The following THSD4 variants were observed in gnomAD, a reference collection of about 807,000 sequenced individuals.
THSD4 encodes thrombospondin type-1 domain-containing protein 4.
A neutral mutation model predicts 119.0 loss-of-function variants in THSD4; 69 were observed. That is an observed-to-expected ratio of 0.58 (90% CI 0.48 to 0.71). The LOEUF is 0.71. THSD4 is among the 30% of genes least tolerant of loss of function. THSD4 has a pLI of 0.00. For synonymous variants in THSD4, 524 were observed against 540.4 expected (o/e 0.97, Z 0.42); for missense variants, 1,393 against 1,391.1 (o/e 1.00, Z -0.02).
chr15:71,720,496 G>C (rs544912788), intron 8 of THSD4, among the ~76,000 whole-genome samples: 3 of 152,100 alleles, frequency 2.0e-5, no homozygotes, highest in Non-Finnish European at 4.4e-5. Flanking sequence ...GATTTCCGTT[G>C]GTGATAGAGT....
chr15:71,660,689 A>C lies in THSD4; in HGVS notation c.1312A>C (p.Thr438Pro), dbSNP rs1460578316. 1.2e-6 allele frequency: 2 copies of C among 1,614,034 alleles called. No homozygotes were observed. The highest frequency in any genetic ancestry group is 2.7e-5 in the African/African-American group (2 of 74,918). The change falls in exon 8 of 18, where the codon ACG becomes CCG. Residue 438 changes from threonine to proline, a missense_variant. Thr to Pro is a conservative substitution (Grantham distance 38). Coordinates refer to ENST00000261862, the MANE Select transcript of THSD4 (RefSeq NM_024817.3). ...HRVVEIPEGATKINITEMYKS... is the reference protein window; with the variant it reads ...HRVVEIPEGAPKINITEMYKS... ...CGTCGTGGAGATTCCCGAGGGAGCC[A>C]CGAAAATCAACATCACGGAGATGTA...
intron 5 of THSD4, among the ~76,000 whole-genome samples, chr15:71,253,479 CTCATTGCAACCTCTGCCTCACAGGT>C (rs2044281865): frequency 6.6e-6 from 1 of 152,028 alleles, no homozygotes; most frequent in South Asian, 2.1e-4. Flanking sequence ...GTGATCTCAG[CTCATTGCAACCTCTGCCTCACAGGT>C]TCAAGTGATT....
At chr15:71,406,490 A>C (rs909284928) in intron 6 of THSD4, among the ~76,000 whole-genome samples, 4 of 152,210 alleles carry the variant, frequency 2.6e-5, no homozygotes, top group Non-Finnish European at 5.9e-5. Context: ...TGCTGTAGAT[A>C]TCTAAGACTA....
chr15:71,311,124 T>A (rs2045105064), intron 6 of THSD4, among the ~76,000 whole-genome samples: 1 of 152,218 alleles, frequency 6.6e-6, no homozygotes, highest in Admixed American at 6.5e-5. Flanking sequence ...GGTTTGGTCC[T>A]AATTTTAACA....
chr15:71,532,329 T>A (rs1346056932), intron 7 of THSD4, among the ~76,000 whole-genome samples: 1 of 147,044 alleles, frequency 6.8e-6, no homozygotes, highest in Middle Eastern at 3.4e-3. Context: ...TGTGTGTGTG[T>A]GTGATGGAGT....
At chr15:71,527,905 G>A (rs2048549697) in intron 7 of THSD4, among the ~76,000 whole-genome samples, 1 of 151,848 alleles carries the variant, frequency 6.6e-6, no homozygotes, top group Admixed American at 6.6e-5. Context: ...TAGAGACAGT[G>A]TCTTGCCATG....
intron 8 of THSD4, among the ~76,000 whole-genome samples, chr15:71,679,362 G>C (rs1278619455): frequency 6.6e-6 from 1 of 152,118 alleles, no homozygotes; most frequent in Non-Finnish European, 1.5e-5. Flanking sequence ...CAGGCCATTT[G>C]GCCTCTGTTA....
At chr15:71,688,739 G>A (rs1026937168) in intron 8 of THSD4, among the ~76,000 whole-genome samples, 1 of 149,402 alleles carries the variant, frequency 6.7e-6, no homozygotes, top group South Asian at 2.1e-4. Flanking sequence ...GTGTGTGTGT[G>A]TGTCTGTGAC....
intron 7 of THSD4, among the ~76,000 whole-genome samples, chr15:71,537,273 C>T (rs540216774): frequency 3.3e-5 from 5 of 152,168 alleles, no homozygotes; most frequent in East Asian, 3.9e-4. Context: ...CTAATCCCTT[C>T]GCCATACAAC....
intron 7 of THSD4, among the ~76,000 whole-genome samples, chr15:71,516,033 G>C (rs1028023517): frequency 1.3e-5 from 2 of 152,132 alleles, no homozygotes; most frequent in Admixed American, 1.3e-4. Context: ...GCATGCCAAG[G>C]GTTTTTGACC....
At chr15:71,202,594 G>T (rs181810702) in intron 3 of THSD4, among the ~76,000 whole-genome samples, 6 of 152,198 alleles carry the variant, frequency 3.9e-5, no homozygotes, top group African/African-American at 1.2e-4. Flanking sequence ...AAGATAACTG[G>T]TTGTTCTAAT....
chr15:71,337,501 G>A (rs1407391950), intron 6 of THSD4, among the ~76,000 whole-genome samples: 3 of 152,246 alleles, frequency 2.0e-5, no homozygotes, highest in African/African-American at 7.2e-5. Context: ...TAGTTAACAT[G>A]TGAAAAGTTG....
Position 71,405,790 on chromosome 15 carries a change from T to C in THSD4, c.1016-5897T>C, listed in dbSNP as rs190219146. Among the ~76,000 whole-genome samples the C allele has an allele frequency of 5.3e-5, 8 of 152,350 alleles. No individual in the cohort carries two copies. The East Asian group carries it at 1.5e-3, about 29-fold the overall frequency. On this transcript the variant is annotated intron_variant, in intron 6 of 17. Coordinates refer to ENST00000261862, the MANE Select transcript of THSD4 (RefSeq NM_024817.3). ...CAGATCCAAGAAAATGTGATATCTT[T>C]CCATTTGTTTAGATCTTCCTTAATT...
At chr15:71,287,886 T>A (rs1291911167) in intron 6 of THSD4, among the ~76,000 whole-genome samples, 3 of 152,370 alleles carry the variant, frequency 2.0e-5, no homozygotes, top group Admixed American at 6.5e-5. Context: ...CTTCCATGTT[T>A]AAAAATGATT....
intron 6 of THSD4, among the ~76,000 whole-genome samples, chr15:71,258,395 C>T (rs539564434): frequency 7.2e-5 from 11 of 152,024 alleles, no homozygotes; most frequent in Non-Finnish European, 1.6e-4. Context: ...GCCAGGCTGA[C>T]CTCGAACTCC....
intron 7 of THSD4, among the ~76,000 whole-genome samples, chr15:71,635,389 A>T (rs148390032): frequency 2.8e-5 from 4 of 145,066 alleles, no homozygotes; most frequent in South Asian, 4.4e-4. Context: ...ACACACACAC[A>T]CTCTTTATTT....
At position 71,648,080 on chromosome 15, in the gene THSD4, C is replaced by T. The variant is rs191845717; in HGVS notation, c.1153-12450C>T. 5.4e-4 allele frequency among the ~76,000 whole-genome samples: 82 copies of T among 152,290 alleles called. 1 individual carries two copies. Among genetic ancestry groups the T allele is most frequent in the Middle Eastern group, 3.4e-3 (1 of 294 alleles). On this transcript the variant is annotated intron_variant, in intron 7 of 17. Transcript: ENST00000261862. ...AGCAGAGGAAAAAGATCCTAGACTTCGGGGCCAGAAGGCACTTATTTCAAA... is the reference window on the plus strand; with the variant it reads ...AGCAGAGGAAAAAGATCCTAGACTTTGGGGCCAGAAGGCACTTATTTCAAA...
chr15:71,351,348 A>G (rs959881853), intron 6 of THSD4, among the ~76,000 whole-genome samples: 1 of 149,804 alleles, frequency 6.7e-6, no homozygotes, highest in African/African-American at 2.4e-5. Flanking sequence ...TACATCATAT[A>G]TCATGATTGC....
chr15:71,570,166 A>C (rs2049321511), intron 7 of THSD4, among the ~76,000 whole-genome samples: 1 of 152,208 alleles, frequency 6.6e-6, no homozygotes. Context: ...TATGCCAAGC[A>C]CTAACCTAAC....
Sources: gnomAD v4.1 joint callset for allele counts (sites outside exome capture counted in the v4.1 genomes callset) on GRCh38, gnomAD v4.1.1 for gene constraint, MANE v1.5 for transcripts, NCBI Gene and HGNC (gene_info 2026-07-23, HGNC 2026-07-21) for gene names.